Variants in RTN1 observed in about 807,000 individuals in gnomAD.
RTN1 encodes the protein reticulon 1.
A neutral mutation model predicts 65.5 loss-of-function variants in RTN1; 25 were observed. That is an observed-to-expected ratio of 0.38 (90% CI 0.28 to 0.53). The LOEUF (loss-of-function observed/expected upper bound fraction) is 0.53, where lower values mean the gene tolerates loss of function less well. RTN1 is among the 20% of genes least tolerant of loss of function. The probability of loss-of-function intolerance (pLI) is 0.79; values close to 1 mark genes in which losing one functional copy is unlikely to be tolerated. For synonymous variants in RTN1, 471 were observed against 447.6 expected (o/e 1.05, Z -0.66); for missense variants, 983 against 1,025.4 (o/e 0.96, Z 0.57).
intron 3 of RTN1, among the ~76,000 whole-genome samples, chr14:59,619,437 C>T (rs1882196177): frequency 6.6e-6 from 1 of 152,170 alleles, no homozygotes; most frequent in Non-Finnish European, 1.5e-5. Context: ...AAATGACTTG[C>T]TCTTTAGGCT....
chr14:59,763,431 CTTCT>C (rs1885787126), intron 1 of RTN1, among the ~76,000 whole-genome samples: 1 of 151,928 alleles, frequency 6.6e-6, no homozygotes, highest in African/African-American at 2.4e-5. Context: ...GATTTATTTT[CTTCT>C]TTCTTTTCTT....
intron 3 of RTN1, among the ~76,000 whole-genome samples, chr14:59,699,273 T>TA (rs1355290730): frequency 8.6e-5 from 13 of 150,898 alleles, no homozygotes; most frequent in Admixed American, 7.2e-4. Context: ...CCTATGGAAA[T>TA]AAAAAAATAA....
At chr14:59,821,555 A>G (rs1270961056) in intron 1 of RTN1, among the ~76,000 whole-genome samples, 1 of 152,182 alleles carries the variant, frequency 6.6e-6, no homozygotes, top group African/African-American at 2.4e-5. Context: ...AGTATGTTGA[A>G]TAGGAATGAA....
At chr14:59,726,529 A>C (rs1884763664) in intron 3 of RTN1, among the ~76,000 whole-genome samples, 1 of 152,200 alleles carries the variant, frequency 6.6e-6, no homozygotes, top group South Asian at 2.1e-4. Flanking sequence ...GCACCTACAG[A>C]GACTGAGCAG....
At chr14:59,735,486 G>C (rs1187133602) in intron 2 of RTN1, among the ~76,000 whole-genome samples, 1 of 152,152 alleles carries the variant, frequency 6.6e-6, no homozygotes, top group Non-Finnish European at 1.5e-5. Flanking sequence ...CTGTCTTCAA[G>C]AGACCCATCT....
chr14:59,831,512 G>A lies in RTN1; in HGVS notation c.241+38878C>T, dbSNP rs186836781. Among the ~76,000 whole-genome samples, 146 of 152,206 alleles carry A rather than the reference G, an allele frequency of 9.6e-4. 2 individuals are homozygous for A. Among genetic ancestry groups the A allele is most frequent in the Admixed American group, 1.0e-3 (16 of 15,294 alleles). ...CATCATCAGGTCTTCAGGTTTTGCC[G>A]ACTCATCCTGCAGATCTTGGGACTT... On this transcript the variant is annotated intron_variant, in intron 1 of 8. Transcript: ENST00000267484.
intron 3 of RTN1, among the ~76,000 whole-genome samples, chr14:59,677,616 C>T (rs1390209941): frequency 6.6e-6 from 1 of 152,144 alleles, no homozygotes; most frequent in South Asian, 2.1e-4. Flanking sequence ...TAAACAAACA[C>T]AAATTCTGGT....
chr14:59,730,155 A>G (rs1884869236), intron 2 of RTN1, among the ~76,000 whole-genome samples: 1 of 152,212 alleles, frequency 6.6e-6, no homozygotes, highest in African/African-American at 2.4e-5. Flanking sequence ...CCTAGATGAT[A>G]TAACTACATG....
rs1555351518 is a variant in RTN1 at position 59,606,126 on chromosome 14, A to ATC, written c.1974-622_1974-621dup. 5.9e-3 allele frequency: 732 copies of ATC among 123,916 alleles called. 10 individuals are homozygous for ATC. The highest frequency in any genetic ancestry group is 0.013 in the Admixed American group (168 of 13,050). The allele number at this position is 123,916 out of a possible 1,614,324, so 7.7% of individuals were successfully genotyped here. On this transcript the variant is annotated intron_variant, in intron 4 of 8. Transcript: ENST00000267484. ...ATGATATATATATATATATATATAT[A>ATC]TCATACCAGCTTAAGCCTCCTCTGC...
intron 1 of RTN1, among the ~76,000 whole-genome samples, chr14:59,810,769 C>A (rs1886714779): frequency 6.6e-6 from 1 of 152,092 alleles, no homozygotes; most frequent in Non-Finnish European, 1.5e-5. Flanking sequence ...GTGAAGAGGA[C>A]AAGGACAAGT....
chr14:59,757,260 G>A (rs1210649363), intron 1 of RTN1, among the ~76,000 whole-genome samples: 2 of 152,154 alleles, frequency 1.3e-5, no homozygotes, highest in African/African-American at 2.4e-5. Flanking sequence ...ATCTCATCTT[G>A]AATTGTAGCT....
At chr14:59,702,484 A>C (rs1047209122) in intron 3 of RTN1, among the ~76,000 whole-genome samples, 2 of 152,136 alleles carry the variant, frequency 1.3e-5, no homozygotes, top group Non-Finnish European at 2.9e-5. Flanking sequence ...TTGTGATTTC[A>C]TTCAGTTGCA....
At chr14:59,834,249 T>C (rs993710069) in intron 1 of RTN1, among the ~76,000 whole-genome samples, 1 of 152,064 alleles carries the variant, frequency 6.6e-6, no homozygotes, top group African/African-American at 2.4e-5. Context: ...CCTGAAACTA[T>C]AAAATTTCTA....
intron 1 of RTN1, among the ~76,000 whole-genome samples, chr14:59,791,259 G>A (rs2139588295): frequency 6.6e-6 from 1 of 152,108 alleles, no homozygotes; most frequent in African/African-American, 2.4e-5. Flanking sequence ...TAGTTAACCT[G>A]AACAGTTCTG....
intron 2 of RTN1, among the ~76,000 whole-genome samples, chr14:59,735,190 G>A (rs1327952974): frequency 6.6e-6 from 1 of 152,192 alleles, no homozygotes; most frequent in Non-Finnish European, 1.5e-5. Flanking sequence ...CGAATGCTGA[G>A]GGAATTAGTT....
rs1451620646 is a variant in RTN1, at chr14:59,727,539, T to C, written c.1145A>G (p.Asp382Gly). ...ENPRPVGQLA[D>G]RPEVKARSGP... Reference sequence around the variant, plus strand: ...GGACCTGGCCTTGACCTCGGGCCTGTCGGCCAGCTGGCCCACCGGCCGTGG... The same window carrying C: ...GGACCTGGCCTTGACCTCGGGCCTGCCGGCCAGCTGGCCCACCGGCCGTGG... Residue 382 changes from aspartate (D) to glycine (G), a missense_variant, in exon 3 of 9, where the codon GAC becomes GGC. Coordinates refer to ENST00000267484, the MANE Select transcript of RTN1 (RefSeq NM_021136.3). This position sits in a 1 kb window ranked among gnomAD's most constrained non-coding sequence, Gnocchi z 4.2. 6.2e-7 allele frequency: 1 copy of C among 1,609,598 alleles called. No individual in the cohort carries two copies. The highest frequency in any genetic ancestry group is 8.5e-7 in the Non-Finnish European group (1 of 1,178,586).
At chr14:59,809,427 T>G (rs1033468334) in intron 1 of RTN1, among the ~76,000 whole-genome samples, 6 of 151,762 alleles carry the variant, frequency 4.0e-5, no homozygotes, top group African/African-American at 1.5e-4. Flanking sequence ...AGATTGACAA[T>G]CTATAGTATT....
intron 1 of RTN1, among the ~76,000 whole-genome samples, chr14:59,764,426 T>G (rs542824178): frequency 1.3e-5 from 2 of 152,052 alleles, no homozygotes; most frequent in African/African-American, 2.4e-5. Flanking sequence ...GTTCAAGCAG[T>G]TCTCCTGCCT....
At chr14:59,754,283 T>A (rs1198027914) in intron 1 of RTN1, among the ~76,000 whole-genome samples, 1 of 152,166 alleles carries the variant, frequency 6.6e-6, no homozygotes, top group Non-Finnish European at 1.5e-5. Context: ...AATTCAGTAA[T>A]CTCATAAAGG....
Sources: gnomAD v4.1 joint callset for allele counts (sites outside exome capture counted in the v4.1 genomes callset) on GRCh38, gnomAD v4.1.1 for gene constraint, Gnocchi (gnomAD v3.1) non-coding constraint, MANE v1.5 for transcripts, NCBI Gene and HGNC (gene_info 2026-07-23, HGNC 2026-07-21) for gene names.